Variants in NMNAT2 observed in about 807,000 individuals in gnomAD.
The protein encoded by NMNAT2 is nicotinamide nucleotide adenylyltransferase 2.
Under a neutral mutation model 41.6 loss-of-function variants are expected in NMNAT2, and 11 were observed. That is an observed-to-expected ratio of 0.26 (90% CI 0.17 to 0.44). NMNAT2 has a LOEUF of 0.44. Among genes scored for constraint, NMNAT2 ranks in the 20% least tolerant of loss-of-function variants. The pLI, the probability that NMNAT2 is intolerant of heterozygous loss-of-function variation, is 1.00. For missense variants in NMNAT2, 288 were observed against 407.7 expected (o/e 0.71, Z 2.53); for synonymous variants, 148 against 151.2 (o/e 0.98, Z 0.16).
At chr1:183,326,902 G>A (rs1662477300) in intron 1 of NMNAT2, among the ~76,000 whole-genome samples, 1 of 152,182 alleles carries the variant, frequency 6.6e-6, no homozygotes, top group Admixed American at 6.5e-5. Context: ...GTGGATGGAA[G>A]AGGACTGGGA....
chr1:183,253,266 C>T (rs1660438110), intron 10 of NMNAT2, among the ~76,000 whole-genome samples: 2 of 146,772 alleles, frequency 1.4e-5, no homozygotes, highest in African/African-American at 2.5e-5. Flanking sequence ...ATATATTATA[C>T]TATATTATAT....
At chr1:183,395,715 T>C (rs866706673) in intron 1 of NMNAT2, among the ~76,000 whole-genome samples, 1 of 152,302 alleles carries the variant, frequency 6.6e-6, no homozygotes, top group South Asian at 2.1e-4. Context: ...ATTTAATTCT[T>C]ACAACAGTCC....
chr1:183,348,267 G>A (rs1220802235), intron 1 of NMNAT2, among the ~76,000 whole-genome samples: 1 of 151,976 alleles, frequency 6.6e-6, no homozygotes, highest in Non-Finnish European at 1.5e-5. Flanking sequence ...TTGCTCTTAA[G>A]CTGTGCGTGC....
At chr1:183,300,226 AC>A (rs1310596871) in intron 1 of NMNAT2, among the ~76,000 whole-genome samples, 7 of 152,140 alleles carry the variant, frequency 4.6e-5, no homozygotes, top group South Asian at 2.1e-4. Flanking sequence ...ATATGGTGAA[AC>A]CCCGTCTGTA....
At chr1:183,402,273 G>A (rs1648833000) in intron 1 of NMNAT2, among the ~76,000 whole-genome samples, 1 of 152,126 alleles carries the variant, frequency 6.6e-6, no homozygotes. Context: ...TTCTTGTCCT[G>A]AACCTAACTC....
intron 1 of NMNAT2, among the ~76,000 whole-genome samples, chr1:183,389,796 G>C (rs527814406): frequency 9.3e-5 from 6 of 64,490 alleles, no homozygotes. Flanking sequence ...AAGAAAGAAA[G>C]AAAGAAAGAA....
intron 1 of NMNAT2, among the ~76,000 whole-genome samples, chr1:183,307,449 AT>A (rs5779163): frequency 0.71 from 104,383 of 146,808 alleles, 36,704 homozygotes; most frequent in East Asian, 0.9. Flanking sequence ...TGGAATGTAT[AT>A]TTTTTTTTTT....
intron 1 of NMNAT2, chr1:183,304,575 C>T: frequency 1.7e-6 from 2 of 1,192,322 alleles, no homozygotes; most frequent in South Asian, 2.5e-5. Context: ...CCTTGAGAAG[C>T]TCCGCTGGAG....
intron 1 of NMNAT2, among the ~76,000 whole-genome samples, chr1:183,379,344 C>A (rs1663753350): frequency 1.3e-5 from 2 of 151,934 alleles, no homozygotes. Context: ...TCTTGCCCAT[C>A]TAATTATTTT....
chr1:183,413,737 G>C (rs1259252192), intron 1 of NMNAT2, among the ~76,000 whole-genome samples: 1 of 151,116 alleles, frequency 6.6e-6, no homozygotes, highest in Non-Finnish European at 1.5e-5. Context: ...CTCCTGAGTA[G>C]CTGGGACTAC....
intron 1 of NMNAT2, among the ~76,000 whole-genome samples, chr1:183,374,705 A>C (rs1663634051): frequency 6.6e-6 from 1 of 152,200 alleles, no homozygotes; most frequent in African/African-American, 2.4e-5. Flanking sequence ...AATACCAAGT[A>C]GATGAGGAGT....
chr1:183,412,370 T>C (rs909574562), intron 1 of NMNAT2, among the ~76,000 whole-genome samples: 1 of 152,168 alleles, frequency 6.6e-6, no homozygotes, highest in East Asian at 1.9e-4. Context: ...ACTACAGGCA[T>C]GTGCCACCAC....
chr1:183,310,570 AC>A, intron 1 of NMNAT2, among the ~76,000 whole-genome samples: 1 of 152,230 alleles, frequency 6.6e-6, no homozygotes, highest in South Asian at 2.1e-4. Context: ...AGGGTTGATC[AC>A]CCCCCAGGGC....
At chr1:183,366,732 A>G (rs963172965) in intron 1 of NMNAT2, among the ~76,000 whole-genome samples, 1 of 152,176 alleles carries the variant, frequency 6.6e-6, no homozygotes, top group African/African-American at 2.4e-5. Context: ...TTTAAGAAGC[A>G]TAGATGGATC....
intron 2 of NMNAT2, 47 bp downstream of exon 2, chr1:183,293,658 T>TG (rs1169377518): frequency 2.2e-5 from 30 of 1,371,470 alleles, no homozygotes; most frequent in Non-Finnish European, 3.1e-5. Context: ...AGGCCAGGGA[T>TG]GGGGGGACGG....
At chr1:183,268,963 A>G (rs1312380657) in intron 8 of NMNAT2, among the ~76,000 whole-genome samples, 1 of 152,152 alleles carries the variant, frequency 6.6e-6, no homozygotes, top group Non-Finnish European at 1.5e-5. Context: ...AGGCAAGAGG[A>G]TCGCTTGACC....
At chr1:183,395,250 G>T (rs536052777) in intron 1 of NMNAT2, among the ~76,000 whole-genome samples, 2 of 152,148 alleles carry the variant, frequency 1.3e-5, no homozygotes, top group African/African-American at 4.8e-5. Context: ...ACTAGCAGTG[G>T]TGGATTTTGC....
intron 1 of NMNAT2, among the ~76,000 whole-genome samples, chr1:183,359,555 CCTT>C (rs1195737534): frequency 6.6e-6 from 1 of 152,156 alleles, no homozygotes; most frequent in African/African-American, 2.4e-5. Flanking sequence ...TCTGAACTCT[CCTT>C]CTCTATGCGA....
chr1:183,374,700 C>T lies in NMNAT2; in HGVS notation c.85+43483G>A, dbSNP rs1663633998. On this transcript the variant is annotated intron_variant, in intron 1 of 10. Transcript: ENST00000287713. Reference sequence around the variant, plus strand: ...TTTCATTGTTTATTAATATCAATACCAAGTAGATGAGGAGTGCTAAGAGAG... The same window carrying T: ...TTTCATTGTTTATTAATATCAATACTAAGTAGATGAGGAGTGCTAAGAGAG... 2.0e-5 allele frequency among the ~76,000 whole-genome samples: 3 copies of T among 151,936 alleles called. No homozygotes were observed. The South Asian group carries it at 6.2e-4, about 32-fold the overall frequency.
Sources: allele counts gnomAD v4.1 joint callset (sites outside exome capture counted in the v4.1 genomes callset), GRCh38; gene constraint gnomAD v4.1.1; transcripts MANE v1.5; gene names NCBI Gene and HGNC (gene_info 2026-07-23, HGNC 2026-07-21).